PRKCSH: variants seen among roughly 807,000 people sequenced by gnomAD.
PRKCSH encodes the protein glucosidase 2 subunit beta.
In PRKCSH, 42 loss-of-function variants were observed where a neutral mutation model predicts 79.7. The observed-to-expected ratio is 0.53, with a 90% confidence interval of 0.41 to 0.68. PRKCSH has a LOEUF of 0.68. Among genes scored for constraint, PRKCSH ranks in the 30% least tolerant of loss-of-function variants. The pLI, the probability that PRKCSH is intolerant of heterozygous loss-of-function variation, is 0.00. For synonymous variants in PRKCSH, 325 were observed against 288.2 expected, an observed-to-expected ratio of 1.13 and a Z score of -1.29; for missense variants, 686 against 709.0, an observed-to-expected ratio of 0.97 and a Z score of 0.37.
rs566991061 is a variant in PRKCSH at position 11,444,644 on chromosome 19, C to T, written c.599-745C>T. On this transcript the variant is annotated intron_variant, in intron 7 of 17. Transcript: ENST00000677123. ...ACAGTAGGAAGTTAATCATTGGAGC[C>T]GCTGTTGTGGCTGCTTTCCGCTCTG... Among the ~76,000 whole-genome samples the T allele has an allele frequency of 4.6e-5, 7 of 152,278 alleles. No homozygotes were observed. In the South Asian group the frequency reaches 6.2e-4, roughly 14 times the overall value.
intron 5 of PRKCSH, among the ~76,000 whole-genome samples, chr19:11,439,605 C>CTTTTTTTTTT (rs758607686): frequency 1.6e-4 from 11 of 68,850 alleles, no homozygotes; most frequent in East Asian, 4.3e-4. Context: ...TTTTTCTTTT[C>CTTTTTTTTTT]TTTTTTTTTT....
At chr19:11,436,220 C>G in intron 2 of PRKCSH, 24 bp downstream of exon 2, 2 of 1,584,896 alleles carry the variant, frequency 1.3e-6, no homozygotes, top group Non-Finnish European at 1.7e-6. Flanking sequence ...TTCACCCTCC[C>G]GCCAGGCTGG....
chr19:11,437,445 G>A (rs1387051257), intron 3 of PRKCSH, among the ~76,000 whole-genome samples: 3 of 151,716 alleles, frequency 2.0e-5, no homozygotes, highest in Admixed American at 1.3e-4. Context: ...TCCACCTCCC[G>A]GGTTCAAGCG....
chr19:11,441,932 T>C lies in PRKCSH; in HGVS notation c.469-454T>C, dbSNP rs548196819. Among the ~76,000 whole-genome samples the C allele has an allele frequency of 2.0e-5, 3 of 152,306 alleles. No individual in the cohort carries two copies. In the South Asian group the frequency reaches 6.2e-4, roughly 32 times the overall value. On this transcript the variant is annotated intron_variant, in intron 6 of 17. Transcript: ENST00000677123. Reference sequence around the variant, plus strand: ...TTCGGGGTAGAGACTTCTTGCCCAGTTCCTCTCCCTCTCTGCCTTGGGGGC... The same window carrying C: ...TTCGGGGTAGAGACTTCTTGCCCAGCTCCTCTCCCTCTCTGCCTTGGGGGC...
chr19:11,441,143 G>GT (rs1970042742), intron 5 of PRKCSH, 97 bp from the exon 6 acceptor site: 1 of 1,198,838 alleles, frequency 8.3e-7, no homozygotes, highest in Non-Finnish European at 1.2e-6. Flanking sequence ...GCATGGCTTG[G>GT]TGGGGGGCCA....
intron 1 of PRKCSH, 50 bp from the exon 2 acceptor site, chr19:11,435,991 G>C: frequency 1.5e-6 from 2 of 1,305,014 alleles, no homozygotes; most frequent in Non-Finnish European, 2.2e-6. Context: ...GAATCCAATT[G>C]GCTGGAAGTA....
intron 7 of PRKCSH, among the ~76,000 whole-genome samples, chr19:11,443,839 G>A (rs563201655): frequency 7.2e-5 from 11 of 152,142 alleles, no homozygotes; most frequent in Middle Eastern, 3.4e-3. Flanking sequence ...CCAATGGCCC[G>A]ATCTCTGCTC....
chr19:11,441,582 G>T (rs1970065488), intron 6 of PRKCSH, among the ~76,000 whole-genome samples: 1 of 152,152 alleles, frequency 6.6e-6, no homozygotes, highest in African/African-American at 2.4e-5. Flanking sequence ...AGGGCCTCGG[G>T]CATCAGACTA....
At chr19:11,439,632 T>G (rs1425812495) in intron 5 of PRKCSH, among the ~76,000 whole-genome samples, 1 of 126,688 alleles carries the variant, frequency 7.9e-6, no homozygotes, top group Non-Finnish European at 1.6e-5. Context: ...TTTTTTTTTT[T>G]GTGAGACAGA....
chr19:11,449,632 T>A lies in PRKCSH; in HGVS notation c.*16+204T>A. The A allele has an allele frequency of 1.6e-6, 1 of 638,982 alleles. No homozygotes were observed. Among genetic ancestry groups the A allele is most frequent in the Non-Finnish European group, 2.7e-6 (1 of 374,078 alleles). The allele number at this position is 638,982 out of a possible 1,614,324, so 39.6% of individuals were successfully genotyped here. ...ACCTCAGCTGACTGCAACCTCTACC[T>A]CCCGGGTTCAAACAATTGTCTTGTC... On this transcript the variant is annotated intron_variant, in intron 17 of 17. Coordinates refer to ENST00000677123, the MANE Select transcript of PRKCSH (RefSeq NM_001289104.2). The surrounding 1 kb of genome is among the most constrained non-coding windows in gnomAD (Gnocchi z 6.4).
intron 6 of PRKCSH, among the ~76,000 whole-genome samples, chr19:11,441,926 G>A (rs530063215): frequency 6.6e-6 from 1 of 152,330 alleles, no homozygotes; most frequent in East Asian, 1.9e-4. Context: ...GAGACTTCTT[G>A]CCCAGTTCCT....
Position 11,448,845 on chromosome 19 carries a change from T to TG in PRKCSH, c.1287-63dup, listed in dbSNP as rs1181060414. 4 of 1,574,886 alleles carry TG rather than the reference T, an allele frequency of 2.5e-6. No individual in the cohort carries two copies. Among genetic ancestry groups the TG allele is most frequent in the Admixed American group, 1.7e-5 (1 of 59,912 alleles). ...TGTGTGTGGGGACTGGAGGAGGCGGTGGGGGGTGGCTGTGGGAGGAGGCTG... is the reference window on the plus strand; with the variant it reads ...TGTGTGTGGGGACTGGAGGAGGCGGTGGGGGGGTGGCTGTGGGAGGAGGCTG... On this transcript the variant is annotated intron_variant, in intron 14 of 17. Transcript: ENST00000677123. The surrounding 1 kb of genome is among the most constrained non-coding windows in gnomAD (Gnocchi z 4.4).
chr19:11,436,884 G>A (rs779899227), intron 3 of PRKCSH, among the ~76,000 whole-genome samples: 3 of 152,192 alleles, frequency 2.0e-5, no homozygotes, highest in Non-Finnish European at 2.9e-5. Flanking sequence ...AAGAGACAGG[G>A]TCTTGCTTTG....
rs1970357329 is a variant in PRKCSH at position 11,447,359 on chromosome 19, G to T, written c.850-80G>T. On this transcript the variant is annotated intron_variant, in intron 10 of 17. Transcript: ENST00000677123. This position sits in a 1 kb window ranked among gnomAD's most constrained non-coding sequence, Gnocchi z 5.6. ...CAGGAGGGGCAGAGACACCGAGGCT[G>T]CCCCTTGGGCTGTGGTGTGAGCCTG... 6.7e-7 allele frequency: 1 copy of T among 1,497,346 alleles called. No individual in the cohort carries two copies. The highest frequency in any genetic ancestry group is 9.2e-7 in the Non-Finnish European group (1 of 1,086,190). The allele number at this position is 1,497,346 out of a possible 1,614,324, so 92.8% of individuals were successfully genotyped here. A position where few individuals can be genotyped will look rare whatever the true frequency, so the allele number is the denominator to read the frequency against.
intron 1 of PRKCSH, 113 bp downstream of exon 1, chr19:11,435,819 G>A (rs550338911): frequency 5.1e-6 from 7 of 1,374,660 alleles, no homozygotes; most frequent in Non-Finnish European, 6.8e-6. Context: ...GTCTGTTGGC[G>A]GGAATTGGGT....
At chr19:11,442,266 G>T in intron 6 of PRKCSH, 120 bp from the exon 7 acceptor site, 1 of 1,423,760 alleles carries the variant, frequency 7.0e-7, no homozygotes, top group South Asian at 1.2e-5. Context: ...GAGAGACCCA[G>T]CTTGGTGTGT....
At position 11,437,891 on chromosome 19, in the gene PRKCSH, C is replaced by T; in HGVS notation, c.212C>T (p.Pro71Leu). 6.2e-7 allele frequency: 1 copy of T among 1,614,170 alleles called. No individual in the cohort carries two copies. Among genetic ancestry groups the T allele is most frequent in the South Asian group, 1.1e-5 (1 of 91,080 alleles). ...GSDEPGTAAC[P>L]NGSFHCTNTG... ...TTCCTCACAGGCACGGCTGCCTGTC[C>T]TAATGGCAGCTTCCACTGCACCAAC... The change falls in exon 4 of 18, where the codon CCT becomes CTT. Residue 71 changes from proline (P) to leucine (L), a missense_variant. By Grantham distance (98) the Pro-to-Leu change is moderately conservative. Coordinates refer to ENST00000677123, the MANE Select transcript of PRKCSH (RefSeq NM_001289104.2).
At position 11,448,365 on chromosome 19, in the gene PRKCSH, G is replaced by C; in HGVS notation, c.1196+74G>C. 3 of 1,533,348 alleles carry C rather than the reference G, an allele frequency of 2.0e-6. No homozygotes were observed. In the South Asian group the frequency reaches 3.6e-5, roughly 18 times the overall value. 95.0% of individuals were successfully genotyped at this position (1,533,348 alleles called of 1,614,324 possible). A position where few individuals can be genotyped will look rare whatever the true frequency, so the allele number is the denominator to read the frequency against. On this transcript the variant is annotated intron_variant, in intron 13 of 17. Transcript: ENST00000677123. The surrounding 1 kb of genome is among the most constrained non-coding windows in gnomAD (Gnocchi z 4.4). Reference sequence around the variant, plus strand: ...TTGACTCCCAGGGGAGCTGGTGATGGGGAATCACTGAGGCAACCACAGGCT... The same window carrying C: ...TTGACTCCCAGGGGAGCTGGTGATGCGGAATCACTGAGGCAACCACAGGCT...
At chr19:11,435,809 G>A in intron 1 of PRKCSH, 103 bp downstream of exon 1, 2 of 1,402,474 alleles carry the variant, frequency 1.4e-6, no homozygotes, top group Non-Finnish European at 1.9e-6. Context: ...AATCCCTTTG[G>A]TCTGTTGGCG....
Sources: gnomAD v4.1 joint callset for allele counts (sites outside exome capture counted in the v4.1 genomes callset) on GRCh38, gnomAD v4.1.1 for gene constraint, Gnocchi (gnomAD v3.1) non-coding constraint, MANE v1.5 for transcripts, NCBI Gene and HGNC (gene_info 2026-07-23, HGNC 2026-07-21) for gene names.